The following GRAMD1B variants were observed in gnomAD, a reference collection of about 807,000 sequenced individuals.
GRAMD1B encodes GRAM domain containing 1B.
In GRAMD1B, 37 loss-of-function variants were observed where a neutral mutation model predicts 99.7. That is an observed-to-expected ratio of 0.37 (90% CI 0.29 to 0.49). The LOEUF (loss-of-function observed/expected upper bound fraction) is 0.49. Ranked by LOEUF, GRAMD1B falls within the 20% of genes least tolerant of loss-of-function variation. GRAMD1B has a pLI of 0.98. For synonymous variants in GRAMD1B, 427 were observed against 387.6 expected, an observed-to-expected ratio of 1.10 and a Z score of -1.19; for missense variants, 888 against 1,009.2, an observed-to-expected ratio of 0.88 and a Z score of 1.63.
intron 2 of GRAMD1B, among the ~76,000 whole-genome samples, chr11:123,548,325 T>TATATATATACACAC (rs1555067740): frequency 3.8e-4 from 33 of 86,876 alleles, no homozygotes; most frequent in African/African-American, 1.6e-3. Context: ...TATATATATA[T>TATATATATACACAC]ACACACACAC....
chr11:123,526,978 C>T (rs190720193), intron 2 of GRAMD1B, among the ~76,000 whole-genome samples: 1 of 152,296 alleles, frequency 6.6e-6, no homozygotes, highest in East Asian at 1.9e-4. Context: ...GCTTGGAAAA[C>T]TTTGCCATAC....
chr11:123,584,228 G>A, intron 3 of GRAMD1B, 84 bp from the exon 4 acceptor site: 5 of 718,836 alleles, frequency 7.0e-6, no homozygotes, highest in South Asian at 3.2e-5. Flanking sequence ...CCCACCCTCC[G>A]CTGTCTGTGT....
intron 10 of GRAMD1B, among the ~76,000 whole-genome samples, 199 bp downstream of exon 10, chr11:123,605,677 G>C (rs1463071041): frequency 6.6e-6 from 1 of 152,202 alleles, no homozygotes; most frequent in Non-Finnish European, 1.5e-5. Flanking sequence ...GCTGGGGCTA[G>C]GTGCCTGGGG....
chr11:123,535,050 TGAGG>T (rs1943818568), intron 2 of GRAMD1B, among the ~76,000 whole-genome samples: 5 of 151,974 alleles, frequency 3.3e-5, no homozygotes, highest in African/African-American at 1.2e-4. Flanking sequence ...ACCTCAAAAG[TGAGG>T]CAGAGGCCTG....
intron 4 of GRAMD1B, among the ~76,000 whole-genome samples, chr11:123,592,994 G>A (rs1434848657): frequency 4.6e-5 from 7 of 152,104 alleles, no homozygotes; most frequent in Non-Finnish European, 1.0e-4. Flanking sequence ...CACTCTGGGA[G>A]GCCGAGGTGG....
At chr11:123,525,937 A>C (rs998479403) in intron 2 of GRAMD1B, 2 of 586,086 alleles carry the variant, frequency 3.4e-6, no homozygotes, top group Admixed American at 5.9e-5. Context: ...CTCCAAGCCC[A>C]GCTTTCAGCT....
At chr11:123,361,772 T>A (rs1300220890) in intron 1 of GRAMD1B, among the ~76,000 whole-genome samples, 1 of 152,226 alleles carries the variant, frequency 6.6e-6, no homozygotes, top group Non-Finnish European at 1.5e-5. Context: ...CTCTGCTTCA[T>A]ACCTGGTGGG....
At chr11:123,439,569 T>C (rs956471873) in intron 1 of GRAMD1B, among the ~76,000 whole-genome samples, 3 of 151,998 alleles carry the variant, frequency 2.0e-5, no homozygotes, top group African/African-American at 7.3e-5. Flanking sequence ...AGTCAGAGGG[T>C]ATGAAGCCCT....
intron 2 of GRAMD1B, among the ~76,000 whole-genome samples, chr11:123,501,161 G>GTTTA (rs779250640): frequency 4.6e-5 from 7 of 151,858 alleles, no homozygotes; most frequent in Admixed American, 3.9e-4. Flanking sequence ...TTTTTTGTTT[G>GTTTA]TTTATTTTTA....
At chr11:123,566,777 A>G (rs2136086579) in intron 2 of GRAMD1B, among the ~76,000 whole-genome samples, 1 of 152,202 alleles carries the variant, frequency 6.6e-6, no homozygotes, top group East Asian at 1.9e-4. Context: ...AAAGCAAAAA[A>G]AAAAAAGGAA....
rs145203988 is a variant in GRAMD1B, at chr11:123,419,083, T to C, written c.-176+60284T>C. 8.1e-3 allele frequency among the ~76,000 whole-genome samples: 1,239 copies of C among 152,326 alleles called. 19 individuals are homozygous for C. Among genetic ancestry groups the C allele is most frequent in the African/African-American group, 0.029 (1,192 of 41,570 alleles). On this transcript the variant is annotated intron_variant, in intron 1 of 20. Transcript: ENST00000638157. ...TTTTTTTATGCTAGTGAAGATTGAT[T>C]AATAAATGAATATTGAGGACATTCT...
intron 1 of GRAMD1B, among the ~76,000 whole-genome samples, chr11:123,384,336 T>C (rs1946987022): frequency 6.6e-6 from 1 of 152,238 alleles, no homozygotes; most frequent in Non-Finnish European, 1.5e-5. Context: ...GGCCTATTTC[T>C]AGACCTCATC....
intron 1 of GRAMD1B, among the ~76,000 whole-genome samples, chr11:123,396,519 G>A (rs926718847): frequency 2.6e-5 from 4 of 151,704 alleles, no homozygotes; most frequent in Non-Finnish European, 2.9e-5. Context: ...CAGGGGATCC[G>A]CCCGCCTCAG....
At chr11:123,386,633 G>C (rs1947069922) in intron 1 of GRAMD1B, among the ~76,000 whole-genome samples, 1 of 152,004 alleles carries the variant, frequency 6.6e-6, no homozygotes. Flanking sequence ...ATTTTTAGTA[G>C]AGACAGGGTT....
intron 1 of GRAMD1B, among the ~76,000 whole-genome samples, chr11:123,385,842 C>A (rs12224823): frequency 0.065 from 9,902 of 152,210 alleles, 456 homozygotes; most frequent in Middle Eastern, 0.17. Flanking sequence ...ATCGGAGGTC[C>A]TTCCCTGTGC....
intron 2 of GRAMD1B, among the ~76,000 whole-genome samples, chr11:123,519,695 A>G (rs1238493444): frequency 1.3e-5 from 2 of 152,256 alleles, no homozygotes; most frequent in Admixed American, 6.5e-5. Flanking sequence ...AGAGGGGCAC[A>G]TAGGGAGAGC....
At chr11:123,512,006 C>G (rs988325438) in intron 2 of GRAMD1B, among the ~76,000 whole-genome samples, 4 of 152,194 alleles carry the variant, frequency 2.6e-5, no homozygotes, top group Admixed American at 1.3e-4. Flanking sequence ...TAGAAAGGAG[C>G]CAGAGAGAGC....
intron 15 of GRAMD1B, 169 bp downstream of exon 15, chr11:123,613,033 G>A (rs1414944179): frequency 3.3e-6 from 2 of 598,716 alleles, no homozygotes; most frequent in Admixed American, 3.0e-5. Flanking sequence ...AATTTGGCAT[G>A]TATGTGGACA....
Position 123,495,148 on chromosome 11 carries a change from TAC to T in GRAMD1B, c.452+14265_452+14266del, listed in dbSNP as rs978722249. Among the ~76,000 whole-genome samples the T allele has an allele frequency of 1.9e-4, 25 of 134,312 alleles. 1 individual carries two copies. Among genetic ancestry groups the T allele is most frequent in the Admixed American group, 5.8e-4 (8 of 13,858 alleles). 88.1% of individuals were successfully genotyped at this position (134,312 alleles called of 152,430 possible). On this transcript the variant is annotated intron_variant, in intron 2 of 19. Coordinates refer to ENST00000635736, the MANE Select transcript of GRAMD1B (RefSeq NM_001387025.1). Reference sequence around the variant, plus strand: ...ACACACACACACACACAGACACACATACACACACACATAAATTATGTGTGTAC... The same window carrying T: ...ACACACACACACACACAGACACACATACACACACATAAATTATGTGTGTAC...
Sources: gnomAD v4.1 joint callset for allele counts (sites outside exome capture counted in the v4.1 genomes callset) on GRCh38, gnomAD v4.1.1 for gene constraint, MANE v1.5 for transcripts, NCBI Gene and HGNC (gene_info 2026-07-23, HGNC 2026-07-21) for gene names.